Variants in CACNA1C observed in about 807,000 individuals in gnomAD.
CACNA1C encodes the protein voltage-dependent L-type calcium channel subunit alpha-1C.
Under a neutral mutation model 229.0 loss-of-function variants are expected in CACNA1C, and 30 were observed. The observed-to-expected ratio is 0.13, with a 90% CI of 0.10 to 0.18. The LOEUF is 0.18. Ranked by LOEUF, CACNA1C falls within the 10% of genes least tolerant of loss-of-function variation. The pLI, the probability that CACNA1C is intolerant of heterozygous loss-of-function variation, is 1.00. For missense variants in CACNA1C, 1,658 were observed against 2,845.0 expected (o/e 0.58, Z 9.49); for synonymous variants, 1,114 against 1,132.5 (o/e 0.98, Z 0.33).
chr12:2,657,722 GTTTA>G (rs1418681413), intron 34 of CACNA1C, among the ~76,000 whole-genome samples: 1 of 152,110 alleles, frequency 6.6e-6, no homozygotes, highest in Non-Finnish European at 1.5e-5. Flanking sequence ...GCTCTAGCCT[GTTTA>G]TAACAGCTAC....
rs1419454865 is a variant in CACNA1C at position 2,354,748 on chromosome 12, C to T, written c.478-94228C>T. Reference sequence around the variant, plus strand: ...GCATGTCACTTGGGCCTGACACCTGCTTTTGCCTTCTCCAGACACGGCAAG... The same window carrying T: ...GCATGTCACTTGGGCCTGACACCTGTTTTTGCCTTCTCCAGACACGGCAAG... On this transcript the variant is annotated intron_variant, in intron 3 of 46. Transcript: ENST00000399655. This position sits in a 1 kb window ranked among gnomAD's most constrained non-coding sequence, Gnocchi z 4.6. 2.0e-5 allele frequency among the ~76,000 whole-genome samples: 3 copies of T among 152,178 alleles called. No homozygotes were observed. Among genetic ancestry groups the T allele is most frequent in the African/African-American group, 7.2e-5 (3 of 41,438 alleles).
chr12:2,538,955 C>T (rs1054926848), intron 9 of CACNA1C, among the ~76,000 whole-genome samples: 1 of 152,222 alleles, frequency 6.6e-6, no homozygotes, highest in Non-Finnish European at 1.5e-5. Context: ...GCACCACCAG[C>T]TCTCAGCAGC....
At chr12:2,009,736 T>G (rs2044060277) in intron 1 of CACNA1C, among the ~76,000 whole-genome samples, 1 of 152,192 alleles carries the variant, frequency 6.6e-6, no homozygotes. Context: ...AAGCAGTGTG[T>G]TATCAGTTGT....
At chr12:2,378,381 T>C (rs1187557091) in intron 3 of CACNA1C, among the ~76,000 whole-genome samples, 1 of 152,172 alleles carries the variant, frequency 6.6e-6, no homozygotes, top group East Asian at 1.9e-4. Flanking sequence ...TCTGCAGTCT[T>C]TTAAAACTGT....
At chr12:2,640,870 G>T (rs2093608075) in intron 30 of CACNA1C, among the ~76,000 whole-genome samples, 3 of 152,230 alleles carry the variant, frequency 2.0e-5, no homozygotes, top group Non-Finnish European at 1.5e-5. Context: ...GAGTCATAGA[G>T]AGAGCTACTT....
chr12:2,369,641 T>G (rs1463535777), intron 3 of CACNA1C, among the ~76,000 whole-genome samples: 1 of 152,110 alleles, frequency 6.6e-6, no homozygotes, highest in East Asian at 1.9e-4. Flanking sequence ...TGACCTCAGG[T>G]GATCCTCCCG....
chr12:2,176,539 C>T (rs1216265872), intron 3 of CACNA1C, among the ~76,000 whole-genome samples: 1 of 151,500 alleles, frequency 6.6e-6, no homozygotes, highest in Non-Finnish European at 1.5e-5. Context: ...GGTCAAGCTT[C>T]CTTCCATGTC....
rs572652329 is a variant in CACNA1C at position 2,006,696 on chromosome 12, A to G, written c.139+35495A>G. Among the ~76,000 whole-genome samples the G allele has an allele frequency of 2.6e-5, 4 of 152,350 alleles. No homozygotes were observed. In the East Asian group the frequency reaches 7.7e-4, roughly 29 times the overall value. ...TGGTTAAGCTGCATTTTGGAGTCTC[A>G]GTCCTATTGACTCCCAAGCCTAACT... On this transcript the variant is annotated intron_variant, in intron 1 of 46. Coordinates refer to the CACNA1C transcript ENST00000682462.
rs4765872 is a variant in CACNA1C, at chr12:1,999,347, T to C, written c.139+28146T>C. On this transcript the variant is annotated intron_variant, in intron 1 of 46. Transcript: ENST00000682462. ...AGCTATTATCAAGAGTAAATGGCTATAAAAAATCATTACCTAGTAACAAAA... is the reference window on the plus strand; with the variant it reads ...AGCTATTATCAAGAGTAAATGGCTACAAAAAATCATTACCTAGTAACAAAA... Among the ~76,000 whole-genome samples, 1,252 of 152,330 alleles carry C rather than the reference T, an allele frequency of 8.2e-3. 58 individuals carry two copies. In the East Asian group the frequency reaches 0.14, roughly 17 times the overall value.
intron 9 of CACNA1C, among the ~76,000 whole-genome samples, 168 bp downstream of exon 9, chr12:2,513,152 G>A (rs1474363502): frequency 2.0e-5 from 3 of 152,174 alleles, no homozygotes; most frequent in Non-Finnish European, 4.4e-5. Context: ...CACAGACATC[G>A]GTCACATGTG....
intron 5 of CACNA1C, among the ~76,000 whole-genome samples, chr12:2,469,889 GA>G: frequency 6.6e-6 from 1 of 152,260 alleles, no homozygotes; most frequent in South Asian, 2.1e-4. Flanking sequence ...GAGCTTTCCT[GA>G]ATTTCTTGAG....
intron 7 of CACNA1C, among the ~76,000 whole-genome samples, chr12:2,500,517 C>T (rs1033675791): frequency 2.0e-5 from 3 of 152,100 alleles, no homozygotes; most frequent in African/African-American, 7.2e-5. Flanking sequence ...TGGGCGCCAT[C>T]GAGCCCAACT....
chr12:2,413,404 G>C (rs1223623645), intron 3 of CACNA1C, among the ~76,000 whole-genome samples: 4 of 151,882 alleles, frequency 2.6e-5, no homozygotes, highest in Non-Finnish European at 5.9e-5. Flanking sequence ...TATCCCCATA[G>C]GCCCCCTCCC....
intron 30 of CACNA1C, among the ~76,000 whole-genome samples, chr12:2,642,328 C>G (rs538226553): frequency 4.6e-5 from 7 of 152,178 alleles, no homozygotes; most frequent in Non-Finnish European, 1.0e-4. Flanking sequence ...GTTCCCTTCC[C>G]CTCCGTGTAA....
chr12:2,644,694 G>A (rs954623856), intron 30 of CACNA1C, among the ~76,000 whole-genome samples: 2 of 152,026 alleles, frequency 1.3e-5, no homozygotes, highest in South Asian at 4.2e-4. Context: ...CCTAGACCTG[G>A]CACTCCAATG....
At chr12:2,648,991 T>TGCTTCAA (rs2094632866) in intron 31 of CACNA1C, among the ~76,000 whole-genome samples, 1 of 152,186 alleles carries the variant, frequency 6.6e-6, no homozygotes, top group South Asian at 2.1e-4. Flanking sequence ...AGCTTCCCTG[T>TGCTTCAA]GCTTCAAGTG....
At chr12:1,985,693 TGAAACCCTCCA>T (rs1425347648) in intron 1 of CACNA1C, among the ~76,000 whole-genome samples, 2 of 152,244 alleles carry the variant, frequency 1.3e-5, no homozygotes, top group Non-Finnish European at 2.9e-5. Context: ...AGAGTCCTCT[TGAAACCCTCCA>T]GAGAATGTTC....
Position 2,646,025 on chromosome 12 carries a change from G to T in CACNA1C, c.3913-2450G>T, listed in dbSNP as rs1449856012. Among the ~76,000 whole-genome samples the T allele has an allele frequency of 3.9e-5, 6 of 152,072 alleles. No individual in the cohort carries two copies. The highest frequency in any genetic ancestry group is 8.8e-5 in the Non-Finnish European group (6 of 68,030). On this transcript the variant is annotated intron_variant, in intron 30 of 46. Coordinates refer to ENST00000399655, the MANE Select transcript of CACNA1C (RefSeq NM_000719.7). This position sits in a 1 kb window ranked among gnomAD's most constrained non-coding sequence, Gnocchi z 4.6. ...TCATAGCTGCTCCTGACTTTCTCTT[G>T]TCTGCCATTATAGAGACATGCCATA...
At chr12:2,265,073 T>C (rs2081851036) in intron 3 of CACNA1C, among the ~76,000 whole-genome samples, 1 of 152,234 alleles carries the variant, frequency 6.6e-6, no homozygotes, top group African/African-American at 2.4e-5. Context: ...TACCCTCAAG[T>C]GACCTGGTGA....
Sources: gnomAD v4.1 joint callset for allele counts (sites outside exome capture counted in the v4.1 genomes callset) on GRCh38, gnomAD v4.1.1 for gene constraint, Gnocchi (gnomAD v3.1) non-coding constraint, MANE v1.5 for transcripts, NCBI Gene and HGNC (gene_info 2026-07-23, HGNC 2026-07-21) for gene names.